CRELD1: variants seen among roughly 807,000 people sequenced by gnomAD.
The protein encoded by CRELD1 is protein disulfide isomerase CRELD1.
Under a neutral mutation model 58.2 loss-of-function variants are expected in CRELD1, and 42 were observed. The observed-to-expected ratio is 0.72, with a 90% CI of 0.56 to 0.93. The LOEUF (loss-of-function observed/expected upper bound fraction) is 0.93. CRELD1 is among the 40% of genes least tolerant of loss of function. The pLI, the probability that CRELD1 is intolerant of heterozygous loss-of-function variation, is 0.00. For synonymous variants in CRELD1, 222 were observed against 202.0 expected, an observed-to-expected ratio of 1.10 and a Z score of -0.84; for missense variants, 500 against 540.6, an observed-to-expected ratio of 0.92 and a Z score of 0.74.
At position 9,940,888 on chromosome 3, in the gene CRELD1, G is replaced by A. The variant is rs1278960356; in HGVS notation, c.499G>A (p.Gly167Arg). Residue 167 changes from glycine to arginine, a missense_variant, in exon 6 of 11, where the codon GGG (glycine) becomes AGG (arginine). Gly to Arg is a moderately radical substitution (Grantham distance 125). Coordinates refer to ENST00000452070, the MANE Select transcript of CRELD1 (RefSeq NM_001077415.3). ...GGTERPCGGY[G>R]QCEGEGTRGG... ...AACAGAGAGGCCCTGCGGTGGCTAC[G>A]GGCAGTGTGAAGGAGAAGGGACACG... 5.6e-6 allele frequency: 9 copies of A among 1,614,132 alleles called. No individual in the cohort carries two copies. Among genetic ancestry groups the A allele is most frequent in the Middle Eastern group, 1.7e-4 (1 of 6,058 alleles).
intron 3 of CRELD1, 33 bp downstream of exon 3, chr3:9,934,950 C>T (rs1357468281): frequency 6.5e-7 from 1 of 1,545,436 alleles, no homozygotes; most frequent in African/African-American, 1.4e-5. Flanking sequence ...GGTGTATATT[C>T]CCCTCCCCGC....
chr3:9,938,412 G>T, intron 5 of CRELD1: 2 of 382,658 alleles, frequency 5.2e-6, no homozygotes, highest in Non-Finnish European at 9.9e-6. Flanking sequence ...CTGGGGAGGG[G>T]CGGGTGCTGA....
chr3:9,943,816 C>T lies in CRELD1; in HGVS notation c.1048+301C>T, dbSNP rs948635852. 3.2e-5 allele frequency: 51 copies of T among 1,612,446 alleles called. No homozygotes were observed. The East Asian group carries it at 8.5e-4, about 27-fold the overall frequency. Reference sequence around the variant, plus strand: ...TGGCCTGCTGAGAGCTGTCCTAGGCCGGGGGTGTGGTGAGATGCAGGGTAA... The same window carrying T: ...TGGCCTGCTGAGAGCTGTCCTAGGCTGGGGGTGTGGTGAGATGCAGGGTAA... On this transcript the variant is annotated intron_variant, in intron 10 of 10. Transcript: ENST00000452070.
chr3:9,941,911 T>C (rs1299795528), intron 7 of CRELD1, among the ~76,000 whole-genome samples: 1 of 151,252 alleles, frequency 6.6e-6, no homozygotes, highest in African/African-American at 2.4e-5. Context: ...GCCACTTATA[T>C]AGACTAAAGT....
intron 10 of CRELD1, 51 bp from the exon 11 acceptor site, chr3:9,944,314 T>G (rs750777357): frequency 4.6e-6 from 7 of 1,518,812 alleles, no homozygotes; most frequent in African/African-American, 2.7e-5. Context: ...CTCCAAGAAC[T>G]ACCAGGAACA....
intron 10 of CRELD1, 112 bp downstream of exon 10, chr3:9,943,627 A>C: frequency 6.3e-7 from 1 of 1,586,788 alleles, no homozygotes; most frequent in South Asian, 1.2e-5. Context: ...ACTGCCACCC[A>C]GCCCCCTGGA....
intron 5 of CRELD1, among the ~76,000 whole-genome samples, chr3:9,939,233 A>G (rs1041333885): frequency 6.6e-6 from 1 of 152,206 alleles, no homozygotes; most frequent in Non-Finnish European, 1.5e-5. Context: ...TTGGTTAAGT[A>G]AATGTCAGTT....
chr3:9,938,946 G>A (rs552194283), intron 5 of CRELD1, among the ~76,000 whole-genome samples: 22 of 151,938 alleles, frequency 1.4e-4, no homozygotes, highest in Middle Eastern at 3.4e-3. Context: ...ATCACTTGAG[G>A]CCAGGAGTTT....
intron 2 of CRELD1, 21 bp downstream of exon 2, chr3:9,934,633 G>A (rs368018977): frequency 9.9e-6 from 16 of 1,611,056 alleles, no homozygotes; most frequent in African/African-American, 1.3e-5. Flanking sequence ...CGGCAGCCTC[G>A]TTAGAGGGGA....
chr3:9,936,498 T>G (rs2085197286), intron 3 of CRELD1, among the ~76,000 whole-genome samples: 1 of 151,918 alleles, frequency 6.6e-6, no homozygotes. Flanking sequence ...TATATGTGTG[T>G]GTATATATAT....
Position 9,943,427 on chromosome 3 carries a change from G to A in CRELD1, c.960G>A (p.Gln320=), listed in dbSNP as rs751414991. 1.9e-6 allele frequency: 3 copies of A among 1,614,012 alleles called. No homozygotes were observed. The South Asian group carries it at 3.3e-5, about 18-fold the overall frequency. The part of the protein sequence containing the change: ...ETEVCPGENK[Q]CENTEGGYRC... ...AGGTGTGTCCGGGAGAGAACAAGCA[G>A]TGTGAAAACACCGAGGGCGGTTATC... Residue 320 remains glutamine, a synonymous_variant, in exon 10 of 11, where the codon CAG becomes CAA. Coordinates refer to ENST00000452070, the MANE Select transcript of CRELD1 (RefSeq NM_001077415.3).
At position 9,934,551 on chromosome 3, in the gene CRELD1, C is replaced by T; in HGVS notation, c.113C>T (p.Ser38Phe). 2 of 1,614,136 alleles carry T rather than the reference C, an allele frequency of 1.2e-6. No individual in the cohort carries two copies. Among genetic ancestry groups the T allele is most frequent in the South Asian group, 1.1e-5 (1 of 91,088 alleles). Residue 38 changes from serine to phenylalanine, a missense_variant, in exon 2 of 11, where the codon TCT becomes TTT. Coordinates refer to ENST00000452070, the MANE Select transcript of CRELD1 (RefSeq NM_001077415.3). Reference protein sequence around the residue: ...WLQPSPPPQSSPPPQPHPCHT... With the variant: ...WLQPSPPPQSFPPPQPHPCHT... Reference sequence around the variant, plus strand: ...CAGCCCTCTCCACCTCCCCAGTCTTCTCCCCCGCCTCAGCCCCATCCGTGT... The same window carrying T: ...CAGCCCTCTCCACCTCCCCAGTCTTTTCCCCCGCCTCAGCCCCATCCGTGT...
chr3:9,942,729 G>A (rs866855589), intron 7 of CRELD1, 84 bp from the exon 8 acceptor site: 30 of 1,072,152 alleles, frequency 2.8e-5, no homozygotes, highest in South Asian at 2.8e-4. Context: ...TTTAATCCCA[G>A]GCAAGACCAT....
At chr3:9,942,173 A>G (rs2085387386) in intron 7 of CRELD1, among the ~76,000 whole-genome samples, 3 of 151,966 alleles carry the variant, frequency 2.0e-5, no homozygotes, top group Admixed American at 2.0e-4. Context: ...CGGGAGGCAG[A>G]GGCAGGAGAG....
chr3:9,938,231 T>G, intron 5 of CRELD1, 125 bp downstream of exon 5: 1 of 764,512 alleles, frequency 1.3e-6, no homozygotes, highest in Non-Finnish European at 2.3e-6. Context: ...GGACCTCAGT[T>G]CTTGCCTGCC....
At position 9,939,505 on chromosome 3, in the gene CRELD1, G is replaced by A. The variant is rs545881256; in HGVS notation, c.461-1345G>A. 7.2e-5 allele frequency among the ~76,000 whole-genome samples: 11 copies of A among 152,208 alleles called. No homozygotes were observed. The Middle Eastern group carries it at 0.024, about 329-fold the overall frequency. ...CCTTCCGCAGTGTTTGTGTCCCTGG[G>A]TACTTGAGATCAAGGAGTGGTGATG... On this transcript the variant is annotated intron_variant, in intron 5 of 10. Coordinates refer to ENST00000452070, the MANE Select transcript of CRELD1 (RefSeq NM_001077415.3).
chr3:9,936,493 G>A (rs1323988325), intron 3 of CRELD1, among the ~76,000 whole-genome samples: 1 of 151,292 alleles, frequency 6.6e-6, no homozygotes, highest in Non-Finnish European at 1.5e-5. Flanking sequence ...ATATATATAT[G>A]TGTGTGTATA....
At chr3:9,942,967 A>G in intron 8 of CRELD1, 71 bp downstream of exon 8, 1 of 1,548,350 alleles carries the variant, frequency 6.5e-7, no homozygotes, top group Non-Finnish European at 8.9e-7. Context: ...CTGTCCCTCC[A>G]AACCTTCCCC....
In CRELD1 at chr3:9,941,125, T is replaced by C; in HGVS notation, c.652T>C (p.Cys218Arg). ...ATTCCACCCAGCTTGTTTTGGCCCC[T>C]GTGCCCGATGCTCAGGACCTGAGGA... ...HLVCSACFGP[C>R]ARCSGPEESN... The change falls in exon 7 of 11, where the codon TGT becomes CGT. Residue 218 changes from cysteine to arginine, a missense_variant. Transcript: ENST00000452070. 2.5e-6 allele frequency: 4 copies of C among 1,614,202 alleles called. No individual in the cohort carries two copies. Among genetic ancestry groups the C allele is most frequent in the Non-Finnish European group, 3.4e-6 (4 of 1,180,038 alleles).
Sources: gnomAD v4.1 joint callset for allele counts (sites outside exome capture counted in the v4.1 genomes callset) on GRCh38, gnomAD v4.1.1 for gene constraint, MANE v1.5 for transcripts, NCBI Gene and HGNC (gene_info 2026-07-23, HGNC 2026-07-21) for gene names.